RIMS2: variants seen among roughly 807,000 people sequenced by gnomAD.
RIMS2 encodes the protein regulating synaptic membrane exocytosis protein 2.
A neutral mutation model predicts 174.4 loss-of-function variants in RIMS2; 59 were observed. The observed-to-expected ratio is 0.34, with a 90% CI of 0.27 to 0.42. The LOEUF (loss-of-function observed/expected upper bound fraction) is 0.42, where lower values mean the gene tolerates loss of function less well. Among genes scored for constraint, RIMS2 ranks in the 10% least tolerant of loss-of-function variants. The pLI is 1.00. For missense variants in RIMS2, 1,620 were observed against 1,666.3 expected (o/e 0.97, Z 0.48); for synonymous variants, 606 against 572.5 (o/e 1.06, Z -0.84).
chr8:103,809,661 T>C (rs1167411823), intron 3 of RIMS2, among the ~76,000 whole-genome samples: 1 of 152,122 alleles, frequency 6.6e-6, no homozygotes, highest in Non-Finnish European at 1.5e-5. Context: ...GCTGTAACCT[T>C]GAGATTCGTC....
chr8:103,812,331 G>GTTTTTTTTTTTTTTTTTTTTTT (rs71575985), intron 3 of RIMS2, among the ~76,000 whole-genome samples: 18 of 111,634 alleles, frequency 1.6e-4, no homozygotes, highest in East Asian at 4.3e-4. Flanking sequence ...TTATTACCTT[G>GTTTTTTTTTTTTTTTTTTTTTT]TTTTTTTTTT....
intron 2 of RIMS2, among the ~76,000 whole-genome samples, chr8:103,761,233 C>T (rs16870669): frequency 6.6e-6 from 1 of 152,064 alleles, no homozygotes. Flanking sequence ...TGAACAACAC[C>T]GAAGCTCTTT....
intron 3 of RIMS2, among the ~76,000 whole-genome samples, chr8:103,797,098 A>G (rs796166312): frequency 6.6e-6 from 1 of 152,260 alleles, no homozygotes; most frequent in African/African-American, 2.4e-5. Context: ...ATCTGAGGGA[A>G]GAGCACTCTA....
At chr8:103,522,739 T>A (rs1832312856) in intron 1 of RIMS2, among the ~76,000 whole-genome samples, 1 of 152,184 alleles carries the variant, frequency 6.6e-6, no homozygotes. Flanking sequence ...TAACCTTAAT[T>A]TCTGAATGGC....
intron 2 of RIMS2, among the ~76,000 whole-genome samples, chr8:103,726,055 T>A (rs12707793): frequency 0.18 from 26,775 of 152,132 alleles, 2,558 homozygotes; most frequent in African/African-American, 0.23. Context: ...CTATATATAC[T>A]GAACAAATAT....
At chr8:103,700,513 A>C (rs1447537588) in intron 2 of RIMS2, among the ~76,000 whole-genome samples, 1 of 151,674 alleles carries the variant, frequency 6.6e-6, no homozygotes, top group Non-Finnish European at 1.5e-5. Flanking sequence ...TTTTACTTAA[A>C]ATTTATTTGT....
At chr8:103,506,491 T>G (rs982056516) in intron 1 of RIMS2, among the ~76,000 whole-genome samples, 1 of 152,138 alleles carries the variant, frequency 6.6e-6, no homozygotes, top group African/African-American at 2.4e-5. Flanking sequence ...ACACCTATTT[T>G]GAAGGATTGT....
At chr8:104,067,176 C>T (rs1359719508) in intron 19 of RIMS2, among the ~76,000 whole-genome samples, 1 of 151,990 alleles carries the variant, frequency 6.6e-6, no homozygotes, top group Non-Finnish European at 1.5e-5. Context: ...GTCTTTACCA[C>T]AGTTTTAAAG....
chr8:104,225,371 T>C (rs1264298186), intron 19 of RIMS2, among the ~76,000 whole-genome samples: 1 of 152,218 alleles, frequency 6.6e-6, no homozygotes, highest in African/African-American at 2.4e-5. Context: ...TTCTTATATT[T>C]GGCTACATTC....
chr8:103,973,845 G>T (rs546340775), intron 15 of RIMS2, among the ~76,000 whole-genome samples: 1 of 152,276 alleles, frequency 6.6e-6, no homozygotes, highest in South Asian at 2.1e-4. Flanking sequence ...TTTACCAGCT[G>T]GTTTACTCAT....
intron 16 of RIMS2, among the ~76,000 whole-genome samples, chr8:103,978,568 G>A (rs1053229246): frequency 1.5e-4 from 23 of 152,316 alleles, no homozygotes; most frequent in African/African-American, 5.5e-4. Context: ...TGCTCATAAG[G>A]CCATTTCTGT....
chr8:104,200,518 G>A (rs888084213), intron 19 of RIMS2, among the ~76,000 whole-genome samples: 2 of 152,200 alleles, frequency 1.3e-5, no homozygotes, highest in East Asian at 3.8e-4. Flanking sequence ...TAGGGCAAGG[G>A]CATGAGGATT....
chr8:103,945,107 A>T (rs985998462), intron 14 of RIMS2, among the ~76,000 whole-genome samples: 1 of 152,208 alleles, frequency 6.6e-6, no homozygotes, highest in African/African-American at 2.4e-5. Flanking sequence ...TATTTCAAAG[A>T]TCGTGATCAT....
chr8:104,149,388 C>T (rs1451841719), intron 19 of RIMS2, among the ~76,000 whole-genome samples: 2 of 152,186 alleles, frequency 1.3e-5, no homozygotes, highest in Non-Finnish European at 2.9e-5. Context: ...GCAATATTCT[C>T]CAGCAGCAGG....
At chr8:103,567,998 T>G (rs1285179543) in intron 1 of RIMS2, among the ~76,000 whole-genome samples, 1 of 152,196 alleles carries the variant, frequency 6.6e-6, no homozygotes, top group Non-Finnish European at 1.5e-5. Flanking sequence ...CCTGGCATGG[T>G]GGCTTATGGC....
intron 1 of RIMS2, chr8:103,559,068 T>TTTTTTTTTTTTTTTTTTTTTTG (rs2091129675): frequency 6.8e-6 from 1 of 147,678 alleles, no homozygotes; most frequent in Non-Finnish European, 1.5e-5. Flanking sequence ...TTTTTTTTTT[T>TTTTTTTTTTTTTTTTTTTTTTG]GCTCTCTGAT....
chr8:103,900,272 G>A (rs2099321034), intron 4 of RIMS2, among the ~76,000 whole-genome samples: 1 of 151,654 alleles, frequency 6.6e-6, no homozygotes, highest in Non-Finnish European at 1.5e-5. Context: ...CTCCCAGACT[G>A]GAGTGCAATG....
intron 19 of RIMS2, among the ~76,000 whole-genome samples, chr8:104,179,209 A>G (rs191274831): frequency 2.0e-5 from 3 of 152,074 alleles, no homozygotes; most frequent in Non-Finnish European, 2.9e-5. Flanking sequence ...GATGTCTCCT[A>G]TGAATTAAGA....
At chr8:103,782,083 C>T (rs1179240604) in intron 3 of RIMS2, among the ~76,000 whole-genome samples, 2 of 151,412 alleles carry the variant, frequency 1.3e-5, no homozygotes, top group African/African-American at 2.4e-5. Context: ...CTGCATACTC[C>T]AGCTGCTCAA....
Sources: allele counts gnomAD v4.1 joint callset (sites outside exome capture counted in the v4.1 genomes callset), GRCh38; gene constraint gnomAD v4.1.1; transcripts MANE v1.5; gene names NCBI Gene and HGNC (gene_info 2026-07-23, HGNC 2026-07-21).